The following MYO16 variants were observed in gnomAD, a reference collection of about 807,000 sequenced individuals.
MYO16 encodes the protein unconventional myosin-XVI.
In MYO16, 94 loss-of-function variants were observed where a neutral mutation model predicts 205.3. The ratio of observed to expected loss-of-function variants is 0.46; its 90% CI spans 0.39 to 0.54. MYO16 has a LOEUF of 0.54. Ranked by LOEUF, MYO16 falls within the 20% of genes least tolerant of loss-of-function variation. The pLI, the probability that MYO16 is intolerant of heterozygous loss-of-function variation, is 0.00. For missense variants in MYO16, 2,315 were observed against 2,387.5 expected (o/e 0.97, Z 0.63); for synonymous variants, 988 against 954.0 (o/e 1.04, Z -0.66).
chr13:108,604,035 C>T (rs111247692), intron 1 of MYO16, among the ~76,000 whole-genome samples: 2 of 152,194 alleles, frequency 1.3e-5, no homozygotes, highest in East Asian at 1.9e-4. Context: ...GCAAATATGT[C>T]CTTCTTCACA....
chr13:109,202,363 T>C (rs1334458620), intron 34 of MYO16, among the ~76,000 whole-genome samples: 2 of 152,190 alleles, frequency 1.3e-5, no homozygotes. Context: ...TATGCCAACA[T>C]TTATTATTTT....
Position 109,022,845 on chromosome 13 carries a change from TTA to T in MYO16, c.2796+2940_2796+2941del, listed in dbSNP as rs1182489845. On this transcript the variant is annotated intron_variant, in intron 23 of 34. Coordinates refer to ENST00000457511, the MANE Select transcript of MYO16 (RefSeq NM_001198950.3). ...CTCAATATATAAACATAGTATATAT[TTA>T]TATATTATACTCAATATATAAACAT... Among the ~76,000 whole-genome samples, 225 of 137,006 alleles carry T rather than the reference TTA, an allele frequency of 1.6e-3. 1 individual carries two copies. Among genetic ancestry groups the T allele is most frequent in the Non-Finnish European group, 2.8e-3 (183 of 65,950 alleles). The allele number at this position is 137,006 out of a possible 152,430, so 89.9% of individuals were successfully genotyped here.
At chr13:108,611,454 A>G (rs1038002935) in intron 1 of MYO16, among the ~76,000 whole-genome samples, 1 of 152,202 alleles carries the variant, frequency 6.6e-6, no homozygotes, top group African/African-American at 2.4e-5. Context: ...AACAACTTTT[A>G]TGTTTTACCA....
At chr13:109,065,525 T>TG (rs1272457396) in intron 27 of MYO16, 2 of 431,300 alleles carry the variant, frequency 4.6e-6, no homozygotes, top group East Asian at 1.3e-4. Context: ...GAGGCCATGC[T>TG]GAAAAAAAAA....
intron 8 of MYO16, among the ~76,000 whole-genome samples, chr13:108,821,964 G>T (rs1432050145): frequency 2.6e-5 from 4 of 152,080 alleles, no homozygotes; most frequent in South Asian, 2.1e-4. Flanking sequence ...CATGCAAAAC[G>T]CAAAGAGTTA....
intron 6 of MYO16, among the ~76,000 whole-genome samples, chr13:108,799,100 TG>T (rs1886893335): frequency 6.6e-6 from 1 of 152,252 alleles, no homozygotes; most frequent in South Asian, 2.1e-4. Flanking sequence ...TCAGTAATGC[TG>T]GTTCATCCCT....
intron 6 of MYO16, among the ~76,000 whole-genome samples, chr13:108,796,013 G>A (rs893705662): frequency 1.3e-5 from 2 of 152,178 alleles, no homozygotes; most frequent in East Asian, 3.9e-4. Flanking sequence ...CTCCTACAGT[G>A]TCAGGGGCGA....
chr13:108,764,549 C>T (rs988380959), intron 4 of MYO16, among the ~76,000 whole-genome samples: 3 of 152,014 alleles, frequency 2.0e-5, no homozygotes, highest in Non-Finnish European at 4.4e-5. Flanking sequence ...TAAATAAATA[C>T]CAAATACTTA....
intron 4 of MYO16, among the ~76,000 whole-genome samples, chr13:108,784,600 A>G (rs1026501693): frequency 2.0e-5 from 3 of 150,720 alleles, no homozygotes; most frequent in African/African-American, 7.3e-5. Context: ...ATAAAGAATA[A>G]TAGAAAAAAC....
chr13:109,057,727 A>T (rs1887459655), intron 27 of MYO16, among the ~76,000 whole-genome samples: 3 of 152,226 alleles, frequency 2.0e-5, no homozygotes, highest in Non-Finnish European at 2.9e-5. Flanking sequence ...GTTCGAGTTT[A>T]AAAATGCTCT....
chr13:108,985,055 AC>A (rs1884579863), intron 20 of MYO16, among the ~76,000 whole-genome samples: 1 of 152,200 alleles, frequency 6.6e-6, no homozygotes, highest in African/African-American at 2.4e-5. Context: ...TTTCATTTTG[AC>A]TTCACCTTTC....
intron 4 of MYO16, among the ~76,000 whole-genome samples, chr13:108,733,682 G>A (rs769108780): frequency 5.3e-5 from 8 of 152,198 alleles, no homozygotes; most frequent in Admixed American, 1.3e-4. Flanking sequence ...ACAGTAGAGG[G>A]CCGGGCGTGG....
At chr13:108,855,971 A>G (rs1329855135) in intron 11 of MYO16, among the ~76,000 whole-genome samples, 1 of 152,180 alleles carries the variant, frequency 6.6e-6, no homozygotes, top group African/African-American at 2.4e-5. Flanking sequence ...CTGCATCTCT[A>G]TTTGCATAAG....
At chr13:109,118,678 C>T (rs902012397) in intron 28 of MYO16, among the ~76,000 whole-genome samples, 1 of 152,118 alleles carries the variant, frequency 6.6e-6, no homozygotes, top group African/African-American at 2.4e-5. Context: ...GTGACATGTT[C>T]CCTCCTTTCC....
At chr13:108,837,842 T>C (rs1015501182) in intron 9 of MYO16, among the ~76,000 whole-genome samples, 1 of 152,226 alleles carries the variant, frequency 6.6e-6, no homozygotes, top group Non-Finnish European at 1.5e-5. Flanking sequence ...AAGTATTTAT[T>C]CTAAAGAAAT....
rs1050213598 is a variant in MYO16, at chr13:109,141,773, T to G, written c.5164+397T>G. Among the ~76,000 whole-genome samples the G allele has an allele frequency of 6.6e-6, 1 of 152,234 alleles. No homozygotes were observed. Among genetic ancestry groups the G allele is most frequent in the Non-Finnish European group, 1.5e-5 (1 of 68,038 alleles). Reference sequence around the variant, plus strand: ...TTCTATCGCCGATTTCCGTTTGATGTACAGTTCACAGCTAATCCCCGAGCG... The same window carrying G: ...TTCTATCGCCGATTTCCGTTTGATGGACAGTTCACAGCTAATCCCCGAGCG... On this transcript the variant is annotated intron_variant, in intron 32 of 34. Coordinates refer to ENST00000457511, the MANE Select transcript of MYO16 (RefSeq NM_001198950.3). This position sits in a 1 kb window ranked among gnomAD's most constrained non-coding sequence, Gnocchi z 4.1.
chr13:108,666,516 T>C (rs1028243509), intron 2 of MYO16, among the ~76,000 whole-genome samples: 4 of 152,026 alleles, frequency 2.6e-5, no homozygotes, highest in Admixed American at 2.0e-4. Context: ...AGAGACAGGG[T>C]CCCACTATGT....
the MYO16 span, among the ~76,000 whole-genome samples, chr13:108,584,186 C>A: frequency 5.3e-5 from 8 of 152,262 alleles, no homozygotes; most frequent in East Asian, 1.5e-3. Flanking sequence ...ATCTCCTGAC[C>A]TCATGATCCA....
intron 23 of MYO16, among the ~76,000 whole-genome samples, chr13:109,026,467 G>A (rs1434527791): frequency 6.6e-6 from 1 of 152,134 alleles, no homozygotes. Flanking sequence ...CCTGGTGTGG[G>A]TGGGCCAGAT....
Sources: allele counts gnomAD v4.1 joint callset (sites outside exome capture counted in the v4.1 genomes callset), GRCh38; gene constraint gnomAD v4.1.1; non-coding constraint Gnocchi (gnomAD v3.1); transcripts MANE v1.5; gene names NCBI Gene and HGNC (gene_info 2026-07-23, HGNC 2026-07-21).